Variants in PRPF3 observed in about 807,000 individuals in gnomAD.
PRPF3 encodes U4/U6 small nuclear ribonucleoprotein Prp3.
A neutral mutation model predicts 89.2 loss-of-function variants in PRPF3; 3 were observed. That is an observed-to-expected ratio of 0.03 (90% CI 0.02 to 0.09). The LOEUF (loss-of-function observed/expected upper bound fraction) is 0.09. PRPF3 is among the 10% of genes least tolerant of loss of function. The pLI, the probability that PRPF3 is intolerant of heterozygous loss-of-function variation, is 1.00. For missense variants in PRPF3, 463 were observed against 828.8 expected (o/e 0.56, Z 5.42); for synonymous variants, 270 against 289.1 (o/e 0.93, Z 0.67).
At chr1:150,335,495 C>T (rs587628371) in intron 7 of PRPF3, among the ~76,000 whole-genome samples, 4 of 152,126 alleles carry the variant, frequency 2.6e-5, no homozygotes, top group African/African-American at 7.2e-5. Flanking sequence ...GATGGAGTGT[C>T]GCTCTTGTTG....
At chr1:150,350,871 A>C (rs1194594739) in intron 15 of PRPF3, among the ~76,000 whole-genome samples, 1 of 151,614 alleles carries the variant, frequency 6.6e-6, no homozygotes, top group African/African-American at 2.4e-5. Flanking sequence ...TGAGGTGGGA[A>C]GATTGCTTCA....
chr1:150,352,969 C>T lies in PRPF3; in HGVS notation c.2042C>T (p.Ser681Phe). 6.2e-7 allele frequency: 1 copy of T among 1,613,998 alleles called. No homozygotes were observed. Among genetic ancestry groups the T allele is most frequent in the South Asian group, 1.1e-5 (1 of 91,076 alleles). Residue 681 changes from serine to phenylalanine, a missense_variant, in exon 16 of 16, where the codon TCC becomes TTC. This residue lies in a region of PRPF3 where 78 missense variants were observed against 96.6 expected (regional missense o/e 0.81). Transcript: ENST00000324862. ...DLALSESVLE[S>F]TD ...GCGCTGAGTGAATCTGTGTTAGAGTCCACTGATTGAGACTACTGCAAGCCC... is the reference window on the plus strand; with the variant it reads ...GCGCTGAGTGAATCTGTGTTAGAGTTCACTGATTGAGACTACTGCAAGCCC...
chr1:150,329,504 A>G (rs1310606594), intron 4 of PRPF3, among the ~76,000 whole-genome samples: 3 of 152,248 alleles, frequency 2.0e-5, no homozygotes, highest in Non-Finnish European at 4.4e-5. Flanking sequence ...AAATGAAATG[A>G]TCAGAACTCA....
Position 150,334,980 on chromosome 1 carries a change from G to A in PRPF3, c.774G>A (p.Leu258=). ...KDQTKPTPLI[L]DEQGRTVDAT... ...AAACGAAACCTACACCACTGATCCT[G>A]GATGAGCAAGGGCGCACTGTAGATG... is the stretch of plus-strand genomic sequence containing the variant. Residue 258 remains leucine (L), a synonymous_variant, in exon 7 of 16, where the codon CTG becomes CTA. Coordinates refer to ENST00000324862, the MANE Select transcript of PRPF3 (RefSeq NM_004698.4). 1 of 1,614,116 alleles carries A rather than the reference G, an allele frequency of 6.2e-7. No individual in the cohort carries two copies. The highest frequency in any genetic ancestry group is 8.5e-7 in the Non-Finnish European group (1 of 1,180,022).
intron 2 of PRPF3, 21 bp downstream of exon 2, chr1:150,325,108 T>C (rs1185799628): frequency 6.2e-7 from 1 of 1,611,580 alleles, no homozygotes. Context: ...TTCTGCATCT[T>C]TTATCTTAAC....
Position 150,344,245 on chromosome 1 carries a change from A to G in PRPF3, c.1510A>G (p.Met504Val), listed in dbSNP as rs782506835. Residue 504 changes from methionine to valine, a missense_variant, in exon 11 of 16, where the codon ATG (methionine) becomes GTG (valine). Physicochemically the swap from Met to Val is conservative, Grantham distance 21. Coordinates refer to ENST00000324862, the MANE Select transcript of PRPF3 (RefSeq NM_004698.4). ...TKVEAHVRAQ[M>V]AKRQKAHEEA... ...GGTAGAAGCCCACGTCAGAGCTCAG[A>G]TGGCAAAAAGACAGAAGTAAGTGCC... The G allele has an allele frequency of 1.9e-6, 3 of 1,614,094 alleles. No homozygotes were observed. Among genetic ancestry groups the G allele is most frequent in the East Asian group, 4.5e-5 (2 of 44,894 alleles).
chr1:150,346,066 T>C lies in PRPF3; in HGVS notation c.1689T>C (p.Asn563=). The change falls in exon 13 of 16, where the codon AAT becomes AAC. Residue 563 remains asparagine, a synonymous_variant. Coordinates refer to ENST00000324862, the MANE Select transcript of PRPF3 (RefSeq NM_004698.4). ...NPAKKFKIEA[N]AGQLYLTGVV... Reference sequence around the variant, plus strand: ...CCAAGAAGTTCAAGATTGAAGCCAATGCTGGGCAACTGTACCTGACAGGGG... The same window carrying C: ...CCAAGAAGTTCAAGATTGAAGCCAACGCTGGGCAACTGTACCTGACAGGGG... 1 of 1,614,176 alleles carries C rather than the reference T, an allele frequency of 6.2e-7. No homozygotes were observed. The highest frequency in any genetic ancestry group is 8.5e-7 in the Non-Finnish European group (1 of 1,180,038).
chr1:150,346,658 A>G (rs1198772111), intron 14 of PRPF3, among the ~76,000 whole-genome samples, 167 bp downstream of exon 14: 1 of 152,210 alleles, frequency 6.6e-6, no homozygotes, highest in Admixed American at 6.5e-5. Context: ...ACATTCATAC[A>G]ATATTTACTA....
Position 150,324,880 on chromosome 1 carries a change from C to CTTCTT in PRPF3, c.-48-13_-48-12insCTTTT. 7.4e-7 allele frequency: 1 copy of CTTCTT among 1,343,012 alleles called. No homozygotes were observed. The highest frequency in any genetic ancestry group is 2.2e-5 in the Admixed American group (1 of 45,758). 83.2% of individuals were successfully genotyped at this position (1,343,012 alleles called of 1,614,324 possible). ...TCTTTTCTTATTCTCTAACTTGTCT[C>CTTCTT]TTTTTTTTTTTTAGGTGTAGTATTG... On this transcript the variant is annotated splice_polypyrimidine_tract_variant and intron_variant, in intron 1 of 15. Coordinates refer to ENST00000324862, the MANE Select transcript of PRPF3 (RefSeq NM_004698.4).
chr1:150,325,635 T>C (rs1278424558), intron 2 of PRPF3, 116 bp from the exon 3 acceptor site: 1 of 1,391,632 alleles, frequency 7.2e-7, no homozygotes, highest in Non-Finnish European at 1.0e-6. Context: ...TACAAAAAAC[T>C]TAAAATTTGT....
rs376115455 is a variant in PRPF3, at chr1:150,345,919, G to C, written c.1641-99G>C. The C allele has an allele frequency of 1.9e-4, 170 of 899,040 alleles. 2 individuals carry two copies. The Middle Eastern group carries it at 2.6e-3, about 14-fold the overall frequency. The allele number at this position is 899,040 out of a possible 1,614,324, so 55.7% of individuals were successfully genotyped here. A position where few individuals can be genotyped will look rare whatever the true frequency, so the allele number is the denominator to read the frequency against. Reference sequence around the variant, plus strand: ...TTTACTCCAGAGGCCTTTGTTTATAGAGAGGAAACCATTTTGGATTCATCT... The same window carrying C: ...TTTACTCCAGAGGCCTTTGTTTATACAGAGGAAACCATTTTGGATTCATCT... On this transcript the variant is annotated intron_variant, in intron 12 of 15. Coordinates refer to ENST00000324862, the MANE Select transcript of PRPF3 (RefSeq NM_004698.4).
Position 150,344,156 on chromosome 1 carries a change from C to T in PRPF3, c.1427-6C>T. 3 of 1,612,492 alleles carry T rather than the reference C, an allele frequency of 1.9e-6. No individual in the cohort carries two copies. The highest frequency in any genetic ancestry group is 2.5e-6 in the Non-Finnish European group (3 of 1,179,272). On this transcript the variant is annotated splice_region_variant and splice_polypyrimidine_tract_variant and intron_variant, in intron 10 of 15. Transcript: ENST00000324862. ...AAGACTGATTGTTGTCCTCTCTTCA[C>T]TGCAGTGAGAATTTCTAATTTGATG... is the stretch of plus-strand genomic sequence containing the variant.
chr1:150,338,758 G>T (rs587771576), intron 8 of PRPF3, among the ~76,000 whole-genome samples: 1 of 151,950 alleles, frequency 6.6e-6, no homozygotes, highest in Non-Finnish European at 1.5e-5. Context: ...CAGGTGATCC[G>T]CCCACCTTAG....
chr1:150,328,506 TTGAAGAAGCAA>T, intron 4 of PRPF3, 40 bp downstream of exon 4: 3 of 1,598,126 alleles, frequency 1.9e-6, no homozygotes, highest in Non-Finnish European at 2.6e-6. Context: ...GTTTTGTGAG[TTGAAGAAGCAA>T]AAGGTGCATG....
chr1:150,344,119 G>T, intron 10 of PRPF3, 43 bp from the exon 11 acceptor site: 2 of 1,530,572 alleles, frequency 1.3e-6, no homozygotes, highest in Non-Finnish European at 1.8e-6. Flanking sequence ...TCCAGCTGGA[G>T]AAGTGACTTC....
intron 8 of PRPF3, 61 bp from the exon 9 acceptor site, chr1:150,340,337 C>G: frequency 1.6e-6 from 2 of 1,238,100 alleles, no homozygotes; most frequent in African/African-American, 1.5e-5. Flanking sequence ...ATTTCTGAGA[C>G]TCCTCTCTTA....
rs71083901 is a variant in PRPF3, at chr1:150,323,173, C to CT, written c.-49+1605dup. 2.4e-3 allele frequency among the ~76,000 whole-genome samples: 114 copies of CT among 48,274 alleles called. 20 individuals are homozygous for CT. Among genetic ancestry groups the CT allele is most frequent in the African/African-American group, 9.9e-3 (102 of 10,340 alleles). The allele number at this position is 48,274 out of a possible 152,430, so 31.7% of individuals were successfully genotyped here. A position where few individuals can be genotyped will look rare whatever the true frequency, so the allele number is the denominator to read the frequency against. On this transcript the variant is annotated intron_variant, in intron 1 of 15. Coordinates refer to ENST00000324862, the MANE Select transcript of PRPF3 (RefSeq NM_004698.4). Reference sequence around the variant, plus strand: ...TACAGGCGTGAGCCACCGCACCTGGCTTTTTTTTTTTTTTTTTTTTTTTTG... The same window carrying CT: ...TACAGGCGTGAGCCACCGCACCTGGCTTTTTTTTTTTTTTTTTTTTTTTTTG...
intron 6 of PRPF3, 41 bp downstream of exon 6, chr1:150,333,240 T>C (rs375350658): frequency 3.8e-6 from 6 of 1,596,056 alleles, no homozygotes; most frequent in Admixed American, 1.7e-5. Context: ...ATTTCTGAAG[T>C]TTGAGAAGCA....
intron 6 of PRPF3, among the ~76,000 whole-genome samples, chr1:150,333,522 G>C (rs587605212): frequency 6.6e-6 from 1 of 152,276 alleles, no homozygotes; most frequent in Non-Finnish European, 1.5e-5. Context: ...AGCTGAGATC[G>C]TGCCACTGCG....
Sources: allele counts gnomAD v4.1 joint callset (sites outside exome capture counted in the v4.1 genomes callset), GRCh38; gene constraint gnomAD v4.1.1; regional missense constraint gnomAD v4.1.1; transcripts MANE v1.5; gene names NCBI Gene and HGNC (gene_info 2026-07-23, HGNC 2026-07-21).